The following GPHN variants were observed in gnomAD, a reference collection of about 807,000 sequenced individuals.
GPHN encodes the protein gephyrin.
GPHN carries 17 observed loss-of-function variants against 95.5 expected under a neutral mutation model. The ratio of observed to expected loss-of-function variants is 0.18; its 90% confidence interval spans 0.12 to 0.27. The LOEUF (loss-of-function observed/expected upper bound fraction) is 0.27, where lower values mean the gene tolerates loss of function less well. Ranked by LOEUF, GPHN falls within the 10% of genes least tolerant of loss-of-function variation. The pLI, the probability that GPHN is intolerant of heterozygous loss-of-function variation, is 1.00. For synonymous variants in GPHN, 320 were observed against 322.5 expected (o/e 0.99, Z 0.08); for missense variants, 660 against 978.1 (o/e 0.67, Z 4.34).
At chr14:66,557,205 T>C (rs2060034967) in intron 1 of GPHN, among the ~76,000 whole-genome samples, 1 of 150,128 alleles carries the variant, frequency 6.7e-6, no homozygotes, top group Non-Finnish European at 1.5e-5. Context: ...TGACCCTGTC[T>C]GAAATAGATA....
At chr14:67,638,766 C>T in the GPHN span, among the ~76,000 whole-genome samples, 1 of 152,198 alleles carries the variant, frequency 6.6e-6, no homozygotes, top group South Asian at 2.1e-4. Flanking sequence ...TGCAGAAACA[C>T]AAGGTTGCTG....
At chr14:66,648,482 T>C (rs1308026715) in intron 1 of GPHN, among the ~76,000 whole-genome samples, 1 of 152,186 alleles carries the variant, frequency 6.6e-6, no homozygotes, top group Non-Finnish European at 1.5e-5. Flanking sequence ...TTGTAGAAGA[T>C]TATAATACAG....
At chr14:67,261,178 A>G in the GPHN span, among the ~76,000 whole-genome samples, 1 of 152,218 alleles carries the variant, frequency 6.6e-6, no homozygotes, top group Non-Finnish European at 1.5e-5. Context: ...AAAAGACAAT[A>G]AAAACTTGAA....
At chr14:67,297,287 T>C in the GPHN span, among the ~76,000 whole-genome samples, 61 of 152,192 alleles carry the variant, frequency 4.0e-4, no homozygotes, top group Admixed American at 1.0e-3. Flanking sequence ...ATTATGAAGT[T>C]GTATAGGAAC....
chr14:67,728,845 CT>C, the GPHN span, among the ~76,000 whole-genome samples: 1 of 152,072 alleles, frequency 6.6e-6, no homozygotes, highest in Non-Finnish European at 1.5e-5. Flanking sequence ...TAAACTCCTC[CT>C]TTAGAAATGA....
At chr14:67,733,974 T>A in the GPHN span, 3 of 689,002 alleles carry the variant, frequency 4.4e-6, no homozygotes, top group Admixed American at 2.1e-5. Context: ...CCTGCTCTGA[T>A]CCTCTTGACC....
At chr14:66,790,270 C>T (rs995029740) in intron 3 of GPHN, among the ~76,000 whole-genome samples, 1 of 152,092 alleles carries the variant, frequency 6.6e-6, no homozygotes, top group Admixed American at 6.6e-5. Context: ...AAGTTTAAGA[C>T]AGTTCATGGA....
intron 1 of GPHN, among the ~76,000 whole-genome samples, chr14:66,555,141 G>A (rs573780329): frequency 2.7e-5 from 4 of 150,912 alleles, no homozygotes; most frequent in Admixed American, 6.6e-5. Flanking sequence ...CAAAAGAAGC[G>A]TAAGTACTTA....
chr14:67,403,750 G>C, the GPHN span, among the ~76,000 whole-genome samples: 1 of 152,192 alleles, frequency 6.6e-6, no homozygotes, highest in Non-Finnish European at 1.5e-5. Context: ...TCTCTGTTAA[G>C]TAAATAATCT....
At chr14:67,237,365 A>G in the GPHN span, among the ~76,000 whole-genome samples, 4 of 152,312 alleles carry the variant, frequency 2.6e-5, no homozygotes, top group East Asian at 7.7e-4. Context: ...GAGGACATAT[A>G]ATAGCCTTAG....
At chr14:67,138,896 T>C (rs1305049081) in intron 17 of GPHN, among the ~76,000 whole-genome samples, 5 of 142,644 alleles carry the variant, frequency 3.5e-5, no homozygotes, top group Non-Finnish European at 7.7e-5. Context: ...CCTTTTTTTT[T>C]TTTTTTTTTT....
the GPHN span, among the ~76,000 whole-genome samples, chr14:67,513,324 C>G: frequency 0.013 from 1,920 of 152,276 alleles, 45 homozygotes; most frequent in African/African-American, 0.044. Flanking sequence ...ATGGGAAGGT[C>G]CATAGAAGTG....
At chr14:66,719,440 A>G (rs2070520087) in intron 2 of GPHN, among the ~76,000 whole-genome samples, 1 of 152,118 alleles carries the variant, frequency 6.6e-6, no homozygotes, top group African/African-American at 2.4e-5. Context: ...GGGGGCTGAG[A>G]ATCTCCCTTT....
At chr14:67,533,834 C>G in the GPHN span, 2 of 152,112 alleles carry the variant, frequency 1.3e-5, no homozygotes, top group Non-Finnish European at 2.9e-5. Flanking sequence ...CTCCTAGGAG[C>G]AGGTCATTCA....
the GPHN span, among the ~76,000 whole-genome samples, chr14:67,238,203 G>A: frequency 6.6e-6 from 1 of 151,308 alleles, no homozygotes; most frequent in Non-Finnish European, 1.5e-5. Flanking sequence ...TGGAGATTCT[G>A]GGATTGGCTC....
At chr14:67,048,587 G>A (rs1472498836) in intron 10 of GPHN, among the ~76,000 whole-genome samples, 2 of 152,192 alleles carry the variant, frequency 1.3e-5, no homozygotes, top group Non-Finnish European at 1.5e-5. Context: ...GCTCAGTTCA[G>A]ACAGCTATAG....
At chr14:67,516,088 A>C in the GPHN span, among the ~76,000 whole-genome samples, 1 of 152,238 alleles carries the variant, frequency 6.6e-6, no homozygotes, top group Non-Finnish European at 1.5e-5. Context: ...ACAATACCGA[A>C]CGTAGGAAAT....
the GPHN span, among the ~76,000 whole-genome samples, chr14:67,639,000 T>C: frequency 6.6e-6 from 1 of 152,180 alleles, no homozygotes; most frequent in African/African-American, 2.4e-5. Context: ...CAGAATCCAC[T>C]ACCCAGGTTG....
chr14:67,142,687 C>G (rs1055721937), intron 17 of GPHN, among the ~76,000 whole-genome samples: 9 of 152,170 alleles, frequency 5.9e-5, no homozygotes, highest in Non-Finnish European at 1.3e-4. Context: ...CCTCCATTTC[C>G]TATTAGATAA....
Sources: allele counts gnomAD v4.1 joint callset (sites outside exome capture counted in the v4.1 genomes callset), GRCh38; gene constraint gnomAD v4.1.1; transcripts MANE v1.5; gene names NCBI Gene and HGNC (gene_info 2026-07-23, HGNC 2026-07-21).